The following PTPRD variants were observed in gnomAD, a reference collection of about 807,000 sequenced individuals.
PTPRD encodes protein tyrosine phosphatase receptor type D.
A neutral mutation model predicts 214.5 loss-of-function variants in PTPRD; 34 were observed. The observed-to-expected ratio is 0.16, with a 90% CI of 0.12 to 0.21. PTPRD has a LOEUF of 0.21. Among genes scored for constraint, PTPRD ranks in the 10% least tolerant of loss-of-function variants. The pLI is 1.00. For missense variants in PTPRD, 2,545 were observed against 2,398.7 expected (o/e 1.06, Z -1.27); for synonymous variants, 1,128 against 845.7 (o/e 1.33, Z -5.79).
intron 2 of PTPRD, among the ~76,000 whole-genome samples, chr9:10,595,681 A>T (rs1328258668): frequency 1.3e-5 from 2 of 151,560 alleles, no homozygotes; most frequent in African/African-American, 4.8e-5. Flanking sequence ...AATTAGAATT[A>T]TGTACATATG....
intron 5 of PTPRD, among the ~76,000 whole-genome samples, chr9:9,810,006 A>C (rs915492310): frequency 6.6e-6 from 1 of 152,076 alleles, no homozygotes; most frequent in East Asian, 1.9e-4. Flanking sequence ...TTTTCCAATA[A>C]AAGTTATACC....
Position 9,515,008 on chromosome 9 carries a change from T to C in PTPRD, c.-237+59724A>G, listed in dbSNP as rs111444164. Reference sequence around the variant, plus strand: ...CAATGCAAGAGGTCATGAACCATTTTATCATTTCTTGACTTCTGCTTTAAT... The same window carrying C: ...CAATGCAAGAGGTCATGAACCATTTCATCATTTCTTGACTTCTGCTTTAAT... On this transcript the variant is annotated intron_variant, in intron 8 of 45. Transcript: ENST00000381196. Among the ~76,000 whole-genome samples, 780 of 152,234 alleles carry C rather than the reference T, an allele frequency of 5.1e-3. 2 individuals carry two copies. Among genetic ancestry groups the C allele is most frequent in the Middle Eastern group, 0.02 (6 of 294 alleles).
At chr9:9,479,350 C>T (rs1429059110) in intron 8 of PTPRD, among the ~76,000 whole-genome samples, 1 of 28,654 alleles carries the variant, frequency 3.5e-5, no homozygotes. Flanking sequence ...AACTGATGCA[C>T]ACACACACAC....
At chr9:10,030,767 T>C (rs1415943701) in intron 4 of PTPRD, among the ~76,000 whole-genome samples, 1 of 152,220 alleles carries the variant, frequency 6.6e-6, no homozygotes, top group Non-Finnish European at 1.5e-5. Flanking sequence ...CCATGGATTA[T>C]TTAGTGAAGA....
intron 14 of PTPRD, among the ~76,000 whole-genome samples, chr9:8,568,686 T>C (rs2090174995): frequency 6.6e-6 from 1 of 152,096 alleles, no homozygotes; most frequent in East Asian, 1.9e-4. Flanking sequence ...AACAACAAAT[T>C]CTACTGATTT....
At chr9:9,649,287 A>G (rs1307437939) in intron 7 of PTPRD, among the ~76,000 whole-genome samples, 1 of 152,218 alleles carries the variant, frequency 6.6e-6, no homozygotes, top group Non-Finnish European at 1.5e-5. Context: ...CTAGAACTCA[A>G]CAAAGGCACA....
intron 8 of PTPRD, among the ~76,000 whole-genome samples, chr9:9,424,026 C>T (rs2079851465): frequency 1.3e-5 from 2 of 152,188 alleles, no homozygotes; most frequent in African/African-American, 4.8e-5. Flanking sequence ...AAATCCTACT[C>T]TAGGAATTTT....
chr9:8,611,837 G>A (rs2095461381), intron 14 of PTPRD, among the ~76,000 whole-genome samples: 2 of 150,306 alleles, frequency 1.3e-5, no homozygotes, highest in Admixed American at 1.3e-4. Context: ...GAGAAGGAAA[G>A]AGAGCAGGAA....
chr9:8,517,824 A>G (rs1331564779), intron 21 of PTPRD, 24 bp downstream of exon 21: 1 of 1,593,846 alleles, frequency 6.3e-7, no homozygotes, highest in Non-Finnish European at 8.6e-7. Context: ...CTCCTGCCCT[A>G]TTTCCCTCCT....
At chr9:10,282,832 A>T (rs763139285) in intron 3 of PTPRD, among the ~76,000 whole-genome samples, 13 of 152,096 alleles carry the variant, frequency 8.5e-5, no homozygotes, top group Non-Finnish European at 1.3e-4. Flanking sequence ...CAAGAATCCC[A>T]TTCTGTTTCC....
At chr9:10,176,269 T>C (rs1014930834) in intron 3 of PTPRD, among the ~76,000 whole-genome samples, 1 of 151,878 alleles carries the variant, frequency 6.6e-6, no homozygotes, top group Admixed American at 6.6e-5. Context: ...AACTCAAGGT[T>C]TTTAATGTGT....
chr9:9,234,576 CT>C (rs2099965353), intron 9 of PTPRD, among the ~76,000 whole-genome samples: 1 of 152,164 alleles, frequency 6.6e-6, no homozygotes, highest in Admixed American at 6.6e-5. Flanking sequence ...ATTTTCCAAA[CT>C]TTTATGCTTT....
At chr9:8,931,435 G>A (rs1054763490) in intron 11 of PTPRD, among the ~76,000 whole-genome samples, 1 of 152,070 alleles carries the variant, frequency 6.6e-6, no homozygotes, top group Non-Finnish European at 1.5e-5. Flanking sequence ...GGATTGACTT[G>A]GTAATGCGGG....
intron 12 of PTPRD, among the ~76,000 whole-genome samples, chr9:8,680,993 T>A (rs1284311928): frequency 6.6e-6 from 1 of 152,172 alleles, no homozygotes; most frequent in Non-Finnish European, 1.5e-5. Context: ...TTTTCCTATA[T>A]TTCCTAGGTT....
At chr9:9,354,889 A>G (rs1461822356) in intron 9 of PTPRD, among the ~76,000 whole-genome samples, 1 of 151,744 alleles carries the variant, frequency 6.6e-6, no homozygotes, top group East Asian at 1.9e-4. Flanking sequence ...CTAGTGCAAG[A>G]GGCCTAAGGA....
chr9:8,924,632 C>T (rs1040550108), intron 11 of PTPRD, among the ~76,000 whole-genome samples: 2 of 152,004 alleles, frequency 1.3e-5, no homozygotes, highest in Non-Finnish European at 2.9e-5. Context: ...GCCTCTCCAT[C>T]ATTAGCAAAC....
At chr9:9,959,367 A>G (rs1359586110) in intron 4 of PTPRD, among the ~76,000 whole-genome samples, 1 of 152,208 alleles carries the variant, frequency 6.6e-6, no homozygotes, top group Non-Finnish European at 1.5e-5. Flanking sequence ...TAGGTAAAGC[A>G]CAGAGGACTT....
At chr9:8,468,432 A>G (rs1188051266) in intron 31 of PTPRD, among the ~76,000 whole-genome samples, 1 of 151,966 alleles carries the variant, frequency 6.6e-6, no homozygotes, top group African/African-American at 2.4e-5. Flanking sequence ...TCTGCCCCAA[A>G]TTCATTTTGA....
At chr9:9,156,320 A>G (rs2099881160) in intron 10 of PTPRD, among the ~76,000 whole-genome samples, 1 of 151,944 alleles carries the variant, frequency 6.6e-6, no homozygotes, top group African/African-American at 2.4e-5. Context: ...TTCATGTAAA[A>G]TTCCCATTTT....
Sources: gnomAD v4.1 joint callset for allele counts (sites outside exome capture counted in the v4.1 genomes callset) on GRCh38, gnomAD v4.1.1 for gene constraint, MANE v1.5 for transcripts, NCBI Gene and HGNC (gene_info 2026-07-23, HGNC 2026-07-21) for gene names.